The following ALS2 variants were observed in gnomAD, a reference collection of about 807,000 sequenced individuals.
ALS2 encodes alsin.
In ALS2, 117 loss-of-function variants were observed where a neutral mutation model predicts 203.4. The observed-to-expected ratio is 0.58, with a 90% CI of 0.50 to 0.67. The LOEUF is 0.67. ALS2 is among the 30% of genes least tolerant of loss of function. ALS2 has a pLI of 0.00. For synonymous variants in ALS2, 718 were observed against 725.9 expected, an observed-to-expected ratio of 0.99 and a Z score of 0.17; for missense variants, 1,715 against 1,989.4, an observed-to-expected ratio of 0.86 and a Z score of 2.62.
At chr2:201,745,715 G>A (rs977545496) in intron 9 of ALS2, among the ~76,000 whole-genome samples, 5 of 152,170 alleles carry the variant, frequency 3.3e-5, no homozygotes, top group Non-Finnish European at 5.9e-5. Flanking sequence ...TCAGGAGGCT[G>A]AGGCGGGCAG....
chr2:201,719,094 A>G (rs533482831), intron 23 of ALS2, among the ~76,000 whole-genome samples: 19 of 152,382 alleles, frequency 1.2e-4, no homozygotes, highest in Admixed American at 5.2e-4. Flanking sequence ...AAGAGAAAAC[A>G]TAAGTTTCTA....
At chr2:201,732,531 G>T (rs1287340818) in intron 13 of ALS2, among the ~76,000 whole-genome samples, 1 of 152,016 alleles carries the variant, frequency 6.6e-6, no homozygotes, top group East Asian at 1.9e-4. Flanking sequence ...TTGCGCCACT[G>T]CACTCCAGCC....
chr2:201,765,772 G>A (rs376484184), intron 3 of ALS2: 1 of 166,940 alleles, frequency 6.0e-6, no homozygotes, highest in Non-Finnish European at 1.5e-5. Context: ...TACAGCACAC[G>A]TTTCGGTAAT....
Position 201,755,540 on chromosome 2 carries a change from G to A in ALS2, c.1472-869C>T, listed in dbSNP as rs1693329368. Among the ~76,000 whole-genome samples the A allele has an allele frequency of 3.9e-5, 6 of 152,312 alleles. No homozygotes were observed. In the South Asian group the frequency reaches 1.2e-3, roughly 32 times the overall value. On this transcript the variant is annotated intron_variant, in intron 5 of 33. Coordinates refer to ENST00000264276, the MANE Select transcript of ALS2 (RefSeq NM_020919.4). ...GGCCTCCCAAAGTGCTGGGATTACA[G>A]GTGTGAGCCACTGTGCCCGGCTCCC... is the stretch of plus-strand genomic sequence containing the variant.
chr2:201,723,992 C>T (rs1690989174), intron 21 of ALS2, among the ~76,000 whole-genome samples: 1 of 152,086 alleles, frequency 6.6e-6, no homozygotes, highest in African/African-American at 2.4e-5. Flanking sequence ...GTGGTGTGTG[C>T]CTGTGGTCCC....
intron 3 of ALS2, among the ~76,000 whole-genome samples, chr2:201,764,481 A>G (rs986388071): frequency 1.3e-5 from 2 of 151,624 alleles, no homozygotes; most frequent in Admixed American, 6.6e-5. Context: ...AATACAAAAA[A>G]AAAAGAGCCA....
intron 23 of ALS2, among the ~76,000 whole-genome samples, chr2:201,719,702 C>T (rs181336696): frequency 1.3e-5 from 2 of 152,340 alleles, no homozygotes; most frequent in East Asian, 1.9e-4. Context: ...AAGGCCTTCA[C>T]CAAACAGGGA....
intron 12 of ALS2, among the ~76,000 whole-genome samples, chr2:201,733,660 C>T (rs377721054): frequency 9.2e-5 from 14 of 152,134 alleles, no homozygotes; most frequent in East Asian, 5.8e-4. Context: ...GCAATACAAA[C>T]GGTTAATCAC....
intron 1 of ALS2, among the ~76,000 whole-genome samples, chr2:201,779,620 T>C (rs542517978): frequency 1.3e-5 from 2 of 152,280 alleles, no homozygotes; most frequent in African/African-American, 4.8e-5. Flanking sequence ...GTATTGAATA[T>C]TTACCATAAA....
Position 201,724,424 on chromosome 2 carries a change from TGA to T in ALS2, c.3381_3382del (p.Phe1127LeufsTer3). The stretch of plus-strand genomic sequence containing the variant: ...ACCATGACCATGACGCATATTATCT[TGA>T]AAACAGCCCTCAAATACTTCACCAG... On this transcript the variant is annotated frameshift_variant, in exon 21 of 34. Coordinates refer to ENST00000264276, the MANE Select transcript of ALS2 (RefSeq NM_020919.4). LOFTEE classifies it high-confidence loss of function. 1 of 1,614,096 alleles carries T rather than the reference TGA, an allele frequency of 6.2e-7. No individual in the cohort carries two copies. Among genetic ancestry groups the T allele is most frequent in the South Asian group, 1.1e-5 (1 of 91,078 alleles).
chr2:201,763,173 T>C, intron 3 of ALS2: 1 of 223,674 alleles, frequency 4.5e-6, no homozygotes, highest in South Asian at 6.7e-5. Context: ...CTGGCCAAGC[T>C]CTCCAATGTC....
chr2:201,728,737 T>C, intron 14 of ALS2, 97 bp from the exon 15 acceptor site: 2 of 1,445,066 alleles, frequency 1.4e-6, no homozygotes, highest in Non-Finnish European at 1.9e-6. Context: ...TTTAAGGGAA[T>C]TTGCTGGTCG....
chr2:201,713,588 T>C (rs1288408347), intron 25 of ALS2, among the ~76,000 whole-genome samples: 2 of 152,230 alleles, frequency 1.3e-5, no homozygotes, highest in Non-Finnish European at 2.9e-5. Flanking sequence ...CATTGCCATC[T>C]CTATTCTGCC....
In ALS2 at chr2:201,726,656, A is replaced by G; in HGVS notation, c.3182+8T>C. 6.2e-7 allele frequency: 1 copy of G among 1,614,008 alleles called. No homozygotes were observed. The highest frequency in any genetic ancestry group is 2.2e-5 in the East Asian group (1 of 44,884). ...CTCACCCCAGGCATAAATCTTCAAC[A>G]TTTTCACCTGCCATGAGGCTTCCCT... On this transcript the variant is annotated splice_region_variant and intron_variant, in intron 18 of 33. Coordinates refer to ENST00000264276, the MANE Select transcript of ALS2 (RefSeq NM_020919.4).
chr2:201,779,748 T>C (rs1694814968), intron 1 of ALS2, among the ~76,000 whole-genome samples: 1 of 152,208 alleles, frequency 6.6e-6, no homozygotes, highest in Admixed American at 6.5e-5. Context: ...ATTAAATAAC[T>C]TGCCCAAAAT....
At position 201,725,458 on chromosome 2, in the gene ALS2, C is replaced by A. The variant is rs1245578937; in HGVS notation, c.3249-4G>T. 1 of 1,609,596 alleles carries A rather than the reference C, an allele frequency of 6.2e-7. No individual in the cohort carries two copies. On this transcript the variant is annotated splice_region_variant and splice_polypyrimidine_tract_variant and intron_variant, in intron 19 of 33. Transcript: ENST00000264276. ...TGGGATTCTGTATTCTCCATACCTG[C>A]CATGAAAAAGAAAAAATAACAAAAG...
chr2:201,702,629 CCTTATTTAAAT>C (rs1175289205), intron 33 of ALS2, among the ~76,000 whole-genome samples: 1 of 152,074 alleles, frequency 6.6e-6, no homozygotes, highest in Non-Finnish European at 1.5e-5. Context: ...CAAAATGGTA[CCTTATTTAAAT>C]CTGCAGTACT....
At chr2:201,738,233 T>C (rs995424921) in intron 12 of ALS2, among the ~76,000 whole-genome samples, 2 of 152,260 alleles carry the variant, frequency 1.3e-5, no homozygotes, top group Non-Finnish European at 2.9e-5. Context: ...TTCAGGATTA[T>C]TGCCTTGTGT....
At position 201,746,751 on chromosome 2, in the gene ALS2, GCAACGA is replaced by G. The variant is rs771015013; in HGVS notation, c.1816-9_1816-4del. ...CAGACTCCATTTTCACTGCTTATCTGCAACGACAGAAAGATAGTGTCTGTCCAAGAT... is the reference window on the plus strand; with the variant it reads ...CAGACTCCATTTTCACTGCTTATCTGCAGAAAGATAGTGTCTGTCCAAGAT... On this transcript the variant is annotated splice_region_variant and splice_polypyrimidine_tract_variant and intron_variant, in intron 8 of 33. Coordinates refer to ENST00000264276, the MANE Select transcript of ALS2 (RefSeq NM_020919.4). 4.3e-6 allele frequency: 7 copies of G among 1,614,040 alleles called. No individual in the cohort carries two copies. Among genetic ancestry groups the G allele is most frequent in the Non-Finnish European group, 5.9e-6 (7 of 1,180,002 alleles).
Sources: allele counts gnomAD v4.1 joint callset (sites outside exome capture counted in the v4.1 genomes callset), GRCh38; gene constraint gnomAD v4.1.1; transcripts MANE v1.5; gene names NCBI Gene and HGNC (gene_info 2026-07-23, HGNC 2026-07-21).